The following SLC2A9 variants were observed in gnomAD, a reference collection of about 807,000 sequenced individuals.
The protein encoded by SLC2A9 is solute carrier family 2 member 9, also known as solute carrier family 2, facilitated glucose transporter member 9.
A neutral mutation model predicts 50.6 loss-of-function variants in SLC2A9; 39 were observed. That is an observed-to-expected ratio of 0.77 (90% CI 0.60 to 1.01). SLC2A9 has a LOEUF of 1.01. Among genes scored for constraint, SLC2A9 ranks in the 50% least tolerant of loss-of-function variants. The pLI, the probability that SLC2A9 is intolerant of heterozygous loss-of-function variation, is 0.00. For synonymous variants in SLC2A9, 324 were observed against 276.9 expected, an observed-to-expected ratio of 1.17 and a Z score of -1.69; for missense variants, 686 against 677.6, an observed-to-expected ratio of 1.01 and a Z score of -0.14.
At chr4:9,856,251 C>T (rs1008631246) in intron 10 of SLC2A9, among the ~76,000 whole-genome samples, 31 of 152,244 alleles carry the variant, frequency 2.0e-4, no homozygotes, top group African/African-American at 7.0e-4. Context: ...CTGTAAGGAA[C>T]TTAAGCAAAT....
chr4:9,961,652 T>C (rs1214641132), intron 5 of SLC2A9, among the ~76,000 whole-genome samples: 2 of 152,152 alleles, frequency 1.3e-5, no homozygotes, highest in African/African-American at 4.8e-5. Context: ...GACATAGGCA[T>C]GGGCAAAGAT....
At chr4:9,833,939 G>C (rs9996799) in intron 11 of SLC2A9, among the ~76,000 whole-genome samples, 23,806 of 152,136 alleles carry the variant, frequency 0.16, 2,467 homozygotes, top group African/African-American at 0.29. Context: ...CCCTTGCTCT[G>C]TGCAGAAGGC....
chr4:9,940,970 T>C (rs1387752774), intron 6 of SLC2A9, among the ~76,000 whole-genome samples: 1 of 152,150 alleles, frequency 6.6e-6, no homozygotes, highest in Non-Finnish European at 1.5e-5. Context: ...TCTAATTCAG[T>C]CCTCACAATG....
chr4:9,783,508 C>A, intron 3 of SLC2A9: 1 of 1,531,812 alleles, frequency 6.5e-7, no homozygotes. Flanking sequence ...ACCGCACAGA[C>A]ATTGACAAGC....
In SLC2A9 at chr4:10,007,813, G is replaced by A. The variant is rs1421946125; in HGVS notation, c.250-10872C>T. Among the ~76,000 whole-genome samples the A allele has an allele frequency of 2.6e-5, 4 of 152,310 alleles. No homozygotes were observed. The South Asian group carries it at 6.2e-4, about 24-fold the overall frequency. ...TCACTTCTGGATGCTTGAGGTAGCA[G>A]GGGCCCCGTCTGCAACATCAATTCT... On this transcript the variant is annotated intron_variant, in intron 2 of 11. Transcript: ENST00000264784.
chr4:9,960,312 T>C (rs747609901), intron 5 of SLC2A9, among the ~76,000 whole-genome samples: 3 of 152,210 alleles, frequency 2.0e-5, no homozygotes, highest in Non-Finnish European at 4.4e-5. Context: ...TAAGTTCCCC[T>C]TCACCAGCCC....
intron 3 of SLC2A9, among the ~76,000 whole-genome samples, chr4:9,784,519 C>T (rs1718968434): frequency 6.6e-6 from 1 of 152,182 alleles, no homozygotes; most frequent in African/African-American, 2.4e-5. Flanking sequence ...TTTAAATAGG[C>T]ATTTTCCTTA....
chr4:9,892,499 A>T (rs2109807014), intron 8 of SLC2A9, among the ~76,000 whole-genome samples: 1 of 152,320 alleles, frequency 6.6e-6, no homozygotes, highest in African/African-American at 2.4e-5. Flanking sequence ...GGGGCACAAA[A>T]GCCTGAAGAT....
upstream of SLC2A9, among the ~76,000 whole-genome samples, chr4:10,022,169 AG>A (rs1763554664): frequency 6.6e-6 from 1 of 152,166 alleles, no homozygotes; most frequent in Admixed American, 6.5e-5. Context: ...GTGTGTCCTC[AG>A]GCAAGTCACT....
intron 8 of SLC2A9, among the ~76,000 whole-genome samples, chr4:9,899,319 G>T (rs1210114874): frequency 1.3e-5 from 2 of 152,250 alleles, no homozygotes; most frequent in Non-Finnish European, 2.9e-5. Context: ...AGAATGGTGT[G>T]ATTATCACTG....
At chr4:9,952,485 G>C (rs1750484625) in intron 5 of SLC2A9, among the ~76,000 whole-genome samples, 1 of 151,730 alleles carries the variant, frequency 6.6e-6, no homozygotes. Context: ...AGAACCATGA[G>C]CCAATTAAAC....
intron 10 of SLC2A9, among the ~76,000 whole-genome samples, chr4:9,857,062 C>T (rs1395286062): frequency 6.6e-6 from 1 of 152,048 alleles, no homozygotes; most frequent in Non-Finnish European, 1.5e-5. Context: ...CTGTAACATG[C>T]AATTTACCTA....
rs1361506229 is a variant in SLC2A9, at chr4:9,907,482, A to G, written c.1113+753T>C. On this transcript the variant is annotated intron_variant, in intron 8 of 11. Coordinates refer to ENST00000264784, the MANE Select transcript of SLC2A9 (RefSeq NM_020041.3). ...AGGAGCTCTATGCCTTCTTTTGAACATATTGGCTTATTATTAAGGTCTTCC... is the reference window on the plus strand; with the variant it reads ...AGGAGCTCTATGCCTTCTTTTGAACGTATTGGCTTATTATTAAGGTCTTCC... Among the ~76,000 whole-genome samples the G allele has an allele frequency of 5.3e-5, 8 of 152,220 alleles. No individual in the cohort carries two copies. In the South Asian group the frequency reaches 6.2e-4, roughly 12 times the overall value.
intron 5 of SLC2A9, among the ~76,000 whole-genome samples, chr4:9,952,206 C>A (rs4292332): frequency 0.48 from 73,264 of 152,008 alleles, 19,065 homozygotes; most frequent in African/African-American, 0.67. Flanking sequence ...TGACATAATT[C>A]GAATATATGT....
At chr4:9,986,032 AT>A (rs1756660555) in intron 3 of SLC2A9, among the ~76,000 whole-genome samples, 2 of 152,252 alleles carry the variant, frequency 1.3e-5, no homozygotes, top group South Asian at 4.2e-4. Flanking sequence ...CTGTGGTAGT[AT>A]TTTATTGCTT....
chr4:9,911,003 T>TG (rs996693910), intron 7 of SLC2A9, among the ~76,000 whole-genome samples: 17 of 66,158 alleles, frequency 2.6e-4, no homozygotes, highest in Admixed American at 4.0e-4. Context: ...TGTTGGGGTG[T>TG]GGGGGGGCTA....
chr4:9,790,873 G>C (rs1279195868), intron 3 of SLC2A9, among the ~76,000 whole-genome samples: 1 of 152,176 alleles, frequency 6.6e-6, no homozygotes, highest in Non-Finnish European at 1.5e-5. Flanking sequence ...CCTTGATCCT[G>C]CCCTGATCTT....
chr4:9,887,953 G>A (rs1736598068), intron 9 of SLC2A9, among the ~76,000 whole-genome samples: 1 of 152,126 alleles, frequency 6.6e-6, no homozygotes, highest in Non-Finnish European at 1.5e-5. Context: ...CAGGCAATAT[G>A]AGCAATTTTC....
At chr4:9,914,079 G>C (rs572366742) in intron 7 of SLC2A9, among the ~76,000 whole-genome samples, 291 of 152,310 alleles carry the variant, frequency 1.9e-3, no homozygotes, top group African/African-American at 6.7e-3. Flanking sequence ...GGGTGACCCA[G>C]CTATGAGTGG....
Sources: gnomAD v4.1 joint callset for allele counts (sites outside exome capture counted in the v4.1 genomes callset) on GRCh38, gnomAD v4.1.1 for gene constraint, MANE v1.5 for transcripts, NCBI Gene and HGNC (gene_info 2026-07-23, HGNC 2026-07-21) for gene names.